The following CD6 variants were observed in gnomAD, a reference collection of about 807,000 sequenced individuals.
CD6 encodes T-cell differentiation antigen CD6.
A neutral mutation model predicts 75.3 loss-of-function variants in CD6; 53 were observed. The ratio of observed to expected loss-of-function variants is 0.70; its 90% CI spans 0.56 to 0.88. The LOEUF is 0.88. Among genes scored for constraint, CD6 ranks in the 40% least tolerant of loss-of-function variants. CD6 has a pLI of 0.00. For synonymous variants in CD6, 359 were observed against 381.5 expected (o/e 0.94, Z 0.69); for missense variants, 770 against 897.1 (o/e 0.86, Z 1.81).
At chr11:60,988,163 G>C (rs759929578) in intron 1 of CD6, 1 of 152,332 alleles carries the variant, frequency 6.6e-6, no homozygotes, top group African/African-American at 2.4e-5. Context: ...TTCATGCTGC[G>C]GAGCCTCAGT....
intron 1 of CD6, among the ~76,000 whole-genome samples, chr11:60,984,384 G>C (rs1372840026): frequency 6.6e-6 from 1 of 152,156 alleles, no homozygotes; most frequent in South Asian, 2.1e-4. Context: ...ATGAGGCCAA[G>C]GTTTGAGCTC....
intron 1 of CD6, among the ~76,000 whole-genome samples, chr11:60,990,770 C>A (rs1010538349): frequency 2.0e-5 from 1 of 51,162 alleles, no homozygotes; most frequent in African/African-American, 3.7e-5. Context: ...GGTATTGAGA[C>A]ATGTACTATA....
chr11:61,013,814 T>G, intron 7 of CD6, 105 bp from the exon 8 acceptor site: 1 of 815,964 alleles, frequency 1.2e-6, no homozygotes, highest in South Asian at 1.7e-5. Flanking sequence ...CTGCAAGTGT[T>G]GGGGGAATGA....
chr11:61,006,974 T>C (rs554137416), intron 2 of CD6, among the ~76,000 whole-genome samples: 1 of 152,122 alleles, frequency 6.6e-6, no homozygotes, highest in Non-Finnish European at 1.5e-5. Flanking sequence ...ACCTACTGTA[T>C]GCAAAGATGC....
At chr11:60,987,838 G>C (rs1857888138) in intron 1 of CD6, 1 of 152,158 alleles carries the variant, frequency 6.6e-6, no homozygotes, top group Non-Finnish European at 1.5e-5. Context: ...AGAGTACTTA[G>C]TTCCAAGCCC....
chr11:60,997,260 C>A (rs537013431), intron 1 of CD6, among the ~76,000 whole-genome samples: 195 of 151,966 alleles, frequency 1.3e-3, no homozygotes, highest in African/African-American at 4.2e-3. Flanking sequence ...TGCCTATAGT[C>A]CCAGCTACTC....
chr11:60,983,163 C>A (rs1264473703), intron 1 of CD6, among the ~76,000 whole-genome samples: 1 of 150,114 alleles, frequency 6.7e-6, no homozygotes, highest in Non-Finnish European at 1.5e-5. Context: ...GTGTTGTGAT[C>A]TCGGCTCACT....
chr11:60,982,678 G>A (rs1409650220), intron 1 of CD6: 5 of 455,936 alleles, frequency 1.1e-5, no homozygotes, highest in East Asian at 1.4e-4. Flanking sequence ...TTGCTTTGCC[G>A]GGATGGGATT....
At chr11:61,010,745 T>C (rs1459972540) in intron 5 of CD6, among the ~76,000 whole-genome samples, 1 of 152,196 alleles carries the variant, frequency 6.6e-6, no homozygotes, top group African/African-American at 2.4e-5. Context: ...CCGCTCTTCA[T>C]CTCCCTAGGC....
At chr11:60,996,323 C>T (rs749347380) in intron 1 of CD6, among the ~76,000 whole-genome samples, 4 of 152,220 alleles carry the variant, frequency 2.6e-5, no homozygotes, top group Non-Finnish European at 4.4e-5. Context: ...CCTTATCCCC[C>T]TGCACTCTGG....
At chr11:60,974,571 C>T (rs1322827433) in intron 1 of CD6, among the ~76,000 whole-genome samples, 2 of 152,214 alleles carry the variant, frequency 1.3e-5, no homozygotes, top group Admixed American at 6.5e-5. Flanking sequence ...AACCCTAGCA[C>T]GAGGCCCTAT....
intron 1 of CD6, among the ~76,000 whole-genome samples, chr11:60,993,920 G>A (rs1188820540): frequency 6.6e-6 from 1 of 152,184 alleles, no homozygotes; most frequent in Non-Finnish European, 1.5e-5. Flanking sequence ...TCACTTTCTT[G>A]GGAGAGGAGG....
At chr11:60,980,006 C>T (rs1255236355) in intron 1 of CD6, among the ~76,000 whole-genome samples, 4 of 152,120 alleles carry the variant, frequency 2.6e-5, no homozygotes, top group Admixed American at 1.3e-4. Flanking sequence ...GCTGTTCCAC[C>T]CTGACAACAC....
In CD6 at chr11:61,018,274, T is replaced by C; in HGVS notation, c.1838-15T>C. On this transcript the variant is annotated splice_polypyrimidine_tract_variant and intron_variant, in intron 11 of 12. Transcript: ENST00000313421. ...TGTGTGCTGGCAGAGGGTGACTGGT[T>C]CTGGGGGTTTCCAGCAGGGCCCCCG... 2 of 1,578,612 alleles carry C rather than the reference T, an allele frequency of 1.3e-6. No homozygotes were observed. The highest frequency in any genetic ancestry group is 1.7e-6 in the Non-Finnish European group (2 of 1,161,422).
intron 1 of CD6, chr11:60,982,818 G>A (rs1412530797): frequency 5.5e-6 from 2 of 366,602 alleles, no homozygotes; most frequent in Admixed American, 3.1e-5. Flanking sequence ...GCAGGGCTGA[G>A]AAGCCCAGTC....
At chr11:60,985,886 G>T (rs970992706) in intron 1 of CD6, among the ~76,000 whole-genome samples, 1 of 152,204 alleles carries the variant, frequency 6.6e-6, no homozygotes, top group East Asian at 1.9e-4. Context: ...CAGAAAAATT[G>T]GAAAAGGAAT....
Position 61,019,329 on chromosome 11 carries a change from G to A in CD6, c.*11G>A, listed in dbSNP as rs1270380754. Reference sequence around the variant, plus strand: ...ATCAGCGCAGCCTAGGCCGGGGCCAGCCGAGGCTCCTGGGGTGGCTCTGAC... The same window carrying A: ...ATCAGCGCAGCCTAGGCCGGGGCCAACCGAGGCTCCTGGGGTGGCTCTGAC... On this transcript the variant is annotated 3_prime_UTR_variant, in exon 13 of 13. Coordinates refer to ENST00000313421, the MANE Select transcript of CD6 (RefSeq NM_006725.5). The A allele has an allele frequency of 1.9e-5, 31 of 1,603,806 alleles. No individual in the cohort carries two copies. The highest frequency in any genetic ancestry group is 2.6e-5 in the Non-Finnish European group (31 of 1,178,386).
intron 1 of CD6, among the ~76,000 whole-genome samples, chr11:60,990,060 A>G (rs915107770): frequency 1.3e-5 from 2 of 152,042 alleles, no homozygotes; most frequent in African/African-American, 4.8e-5. Flanking sequence ...TTTAGTAAAA[A>G]TAGTACAGAA....
chr11:60,975,856 C>T (rs931423568), intron 1 of CD6, among the ~76,000 whole-genome samples: 2 of 152,154 alleles, frequency 1.3e-5, no homozygotes, highest in East Asian at 3.8e-4. Context: ...ACATGCGTAA[C>T]TTGCATCATA....
Sources: allele counts gnomAD v4.1 joint callset (sites outside exome capture counted in the v4.1 genomes callset), GRCh38; gene constraint gnomAD v4.1.1; transcripts MANE v1.5; gene names NCBI Gene and HGNC (gene_info 2026-07-23, HGNC 2026-07-21).